Variants in SPTLC2 observed in about 807,000 individuals in gnomAD.
SPTLC2 encodes the protein serine palmitoyltransferase 2.
SPTLC2 carries 21 observed loss-of-function variants against 62.0 expected under a neutral mutation model. The ratio of observed to expected loss-of-function variants is 0.34; its 90% CI spans 0.24 to 0.49. The LOEUF (loss-of-function observed/expected upper bound fraction) is 0.49, where lower values mean the gene tolerates loss of function less well. Among genes scored for constraint, SPTLC2 ranks in the 20% least tolerant of loss-of-function variants. The probability of loss-of-function intolerance (pLI) is 0.99; values close to 1 mark genes in which losing one functional copy is unlikely to be tolerated. For missense variants in SPTLC2, 511 were observed against 713.0 expected, an observed-to-expected ratio of 0.72 and a Z score of 3.23; for synonymous variants, 261 against 261.8, an observed-to-expected ratio of 1.00 and a Z score of 0.03.
At chr14:77,536,580 A>AATGG (rs2079472118) in intron 9 of SPTLC2, among the ~76,000 whole-genome samples, 1 of 152,178 alleles carries the variant, frequency 6.6e-6, no homozygotes, top group African/African-American at 2.4e-5. Context: ...ATCCATTAGC[A>AATGG]ATACCCCTTT....
intron 9 of SPTLC2, among the ~76,000 whole-genome samples, chr14:77,525,591 A>G (rs1489396929): frequency 1.5e-4 from 6 of 39,448 alleles, no homozygotes; most frequent in Admixed American, 2.8e-4. Flanking sequence ...CTCCGTCTCG[A>G]AAAAAAAAAA....
At chr14:77,573,261 T>C (rs1165595355) in intron 4 of SPTLC2, among the ~76,000 whole-genome samples, 2 of 152,178 alleles carry the variant, frequency 1.3e-5, no homozygotes, top group African/African-American at 2.4e-5. Flanking sequence ...TAAGTTCTAA[T>C]GTTTGATAGC....
intron 1 of SPTLC2, among the ~76,000 whole-genome samples, chr14:77,612,846 T>C (rs1311696977): frequency 6.6e-6 from 1 of 152,192 alleles, no homozygotes; most frequent in Non-Finnish European, 1.5e-5. Flanking sequence ...GAATTTTTTA[T>C]TCTGTAAGCC....
chr14:77,557,763 C>T (rs1946485871), intron 6 of SPTLC2, among the ~76,000 whole-genome samples: 1 of 152,116 alleles, frequency 6.6e-6, no homozygotes, highest in African/African-American at 2.4e-5. Context: ...TGAAATTGTT[C>T]CATGTTTGAC....
intron 3 of SPTLC2, 45 bp from the exon 4 acceptor site, chr14:77,576,960 G>A: frequency 6.2e-7 from 1 of 1,606,322 alleles, no homozygotes; most frequent in Non-Finnish European, 8.5e-7. Flanking sequence ...GAGCAAAAAA[G>A]TACTTACATG....
intron 8 of SPTLC2, 128 bp downstream of exon 8, chr14:77,555,172 A>G: frequency 1.1e-6 from 1 of 944,136 alleles, no homozygotes; most frequent in Non-Finnish European, 1.7e-6. Flanking sequence ...ACTCACTGGT[A>G]TTATGAGCCT....
intron 2 of SPTLC2, among the ~76,000 whole-genome samples, chr14:77,585,534 C>T (rs147083821): frequency 5.3e-5 from 8 of 152,262 alleles, no homozygotes; most frequent in African/African-American, 1.7e-4. Context: ...TTGAGGCAAA[C>T]AATCACTGCT....
intron 5 of SPTLC2, among the ~76,000 whole-genome samples, chr14:77,564,297 AGG>A (rs2079631639): frequency 2.5e-5 from 2 of 80,988 alleles, no homozygotes; most frequent in African/African-American, 9.0e-5. Flanking sequence ...AAGGAGGAAG[AGG>A]AGGAGAAGGA....
chr14:77,577,556 G>A (rs927912733), intron 3 of SPTLC2, among the ~76,000 whole-genome samples: 1 of 152,202 alleles, frequency 6.6e-6, no homozygotes, highest in Non-Finnish European at 1.5e-5. Context: ...TAAACTTGCT[G>A]TGAATATACA....
intron 9 of SPTLC2, among the ~76,000 whole-genome samples, chr14:77,533,295 C>T (rs1350366144): frequency 4.0e-5 from 5 of 124,338 alleles, no homozygotes; most frequent in African/African-American, 6.2e-5. Flanking sequence ...AGCGAAACTC[C>T]GTTGCAAAAA....
intron 6 of SPTLC2, among the ~76,000 whole-genome samples, chr14:77,560,964 C>T (rs1594990337): frequency 6.6e-6 from 1 of 150,874 alleles, no homozygotes; most frequent in East Asian, 1.9e-4. Flanking sequence ...CACAAACCCC[C>T]GAGACATGCA....
chr14:77,601,600 C>T (rs571387143), intron 1 of SPTLC2, among the ~76,000 whole-genome samples: 15 of 152,308 alleles, frequency 9.8e-5, no homozygotes, highest in East Asian at 7.7e-4. Context: ...CCAGGGTCAG[C>T]GGGACTCCTT....
At chr14:77,610,775 G>A (rs2079931144) in intron 1 of SPTLC2, among the ~76,000 whole-genome samples, 1 of 151,656 alleles carries the variant, frequency 6.6e-6, no homozygotes, top group Non-Finnish European at 1.5e-5. Context: ...GCTGGGTGCG[G>A]TGGCTCACAC....
intron 11 of SPTLC2, 27 bp downstream of exon 11, chr14:77,518,011 T>G (rs754179729): frequency 6.2e-7 from 1 of 1,613,994 alleles, no homozygotes; most frequent in East Asian, 2.2e-5. Context: ...AAGGCATATT[T>G]ATATCAAGGT....
intron 2 of SPTLC2, among the ~76,000 whole-genome samples, chr14:77,596,688 CTTGT>C (rs1453905304): frequency 6.6e-6 from 1 of 152,166 alleles, no homozygotes. Context: ...TGTATTACAG[CTTGT>C]TTGTCTGGGG....
chr14:77,569,174 C>G (rs1197158465), intron 5 of SPTLC2, among the ~76,000 whole-genome samples: 1 of 151,850 alleles, frequency 6.6e-6, no homozygotes, highest in Non-Finnish European at 1.5e-5. Flanking sequence ...TTAATACAGG[C>G]ACTTCACATT....
intron 1 of SPTLC2, among the ~76,000 whole-genome samples, chr14:77,597,583 T>G (rs1033389330): frequency 7.7e-6 from 1 of 130,646 alleles, no homozygotes; most frequent in African/African-American, 2.7e-5. Flanking sequence ...AAGACCAGCC[T>G]GGTCAACATG....
chr14:77,592,048 A>G (rs765456133), intron 2 of SPTLC2, among the ~76,000 whole-genome samples: 8 of 151,844 alleles, frequency 5.3e-5, no homozygotes, highest in Non-Finnish European at 1.0e-4. Flanking sequence ...TAAATGTAGA[A>G]TCATACACAG....
At chr14:77,589,890 A>C (rs1307914618) in intron 2 of SPTLC2, among the ~76,000 whole-genome samples, 1 of 151,684 alleles carries the variant, frequency 6.6e-6, no homozygotes, top group Non-Finnish European at 1.5e-5. Context: ...AGGCATGAGA[A>C]TCACTTGAAC....
Sources: allele counts gnomAD v4.1 joint callset (sites outside exome capture counted in the v4.1 genomes callset), GRCh38; gene constraint gnomAD v4.1.1; transcripts MANE v1.5; gene names NCBI Gene and HGNC (gene_info 2026-07-23, HGNC 2026-07-21).